Variants in RGCC observed in about 807,000 individuals in gnomAD.
RGCC encodes regulator of cell cycle RGCC.
RGCC carries 15 observed loss-of-function variants against 15.4 expected under a neutral mutation model. The ratio of observed to expected loss-of-function variants is 0.97; its 90% CI spans 0.65 to 1.50. The LOEUF (loss-of-function observed/expected upper bound fraction) is 1.50, where lower values mean the gene tolerates loss of function less well. Ranked by LOEUF, RGCC falls within the 40% of genes most tolerant of loss-of-function variation. The pLI, the probability that RGCC is intolerant of heterozygous loss-of-function variation, is 0.00. For synonymous variants in RGCC, 81 were observed against 78.0 expected, an observed-to-expected ratio of 1.04 and a Z score of -0.20; for missense variants, 176 against 189.7, an observed-to-expected ratio of 0.93 and a Z score of 0.42.
rs996445357 is a variant in RGCC at position 41,458,575 on chromosome 13, T to C, written c.235+105T>C. On this transcript the variant is annotated intron_variant, in intron 2 of 4. Transcript: ENST00000379359. This position sits in a 1 kb window ranked among gnomAD's most constrained non-coding sequence, Gnocchi z 4.4. Reference sequence around the variant, plus strand: ...TTCTTATCAGTAAACTGAGGAATGGTTTCCTGAAGCTCAACGCAGTAGGCC... The same window carrying C: ...TTCTTATCAGTAAACTGAGGAATGGCTTCCTGAAGCTCAACGCAGTAGGCC... 1.6e-6 allele frequency: 2 copies of C among 1,240,676 alleles called. No individual in the cohort carries two copies. The highest frequency in any genetic ancestry group is 3.0e-5 in the African/African-American group (2 of 65,748). The allele number at this position is 1,240,676 out of a possible 1,614,324, so 76.9% of individuals were successfully genotyped here. A position where few individuals can be genotyped will look rare whatever the true frequency, so the allele number is the denominator to read the frequency against.
Position 41,457,980 on chromosome 13 carries a change from T to TG in RGCC, c.49+230dup, listed in dbSNP as rs975152927. 9.9e-5 allele frequency among the ~76,000 whole-genome samples: 15 copies of TG among 151,440 alleles called. No individual in the cohort carries two copies. The highest frequency in any genetic ancestry group is 2.1e-4 in the Non-Finnish European group (14 of 67,754). ...CACCAGCTCCGCGCGCGCCCGGGGTTGGGGGGAGCGGCGGGGACAGGTAAC... is the reference window on the plus strand; with the variant it reads ...CACCAGCTCCGCGCGCGCCCGGGGTTGGGGGGGAGCGGCGGGGACAGGTAAC... On this transcript the variant is annotated intron_variant, in intron 1 of 4. Transcript: ENST00000379359. The surrounding 1 kb of genome is among the most constrained non-coding windows in gnomAD (Gnocchi z 4.9).
intron 2 of RGCC, among the ~76,000 whole-genome samples, chr13:41,460,232 A>T (rs1159729976): frequency 6.6e-6 from 1 of 152,236 alleles, no homozygotes; most frequent in Non-Finnish European, 1.5e-5. Flanking sequence ...TCACAAGGCT[A>T]GTCAGAAATA....
chr13:41,458,517 A>G lies in RGCC; in HGVS notation c.235+47A>G, dbSNP rs1414705080. 6.5e-7 allele frequency: 1 copy of G among 1,541,828 alleles called. No homozygotes were observed. Among genetic ancestry groups the G allele is most frequent in the South Asian group, 1.2e-5 (1 of 84,986 alleles). On this transcript the variant is annotated intron_variant, in intron 2 of 4. Coordinates refer to ENST00000379359, the MANE Select transcript of RGCC (RefSeq NM_014059.3). This position sits in a 1 kb window ranked among gnomAD's most constrained non-coding sequence, Gnocchi z 4.4. ...ATGGCGCCGGGATCTCCCAGCTCCC[A>G]GGACCTGCCCCGCGAAGGCTGCGGC... is the stretch of plus-strand genomic sequence containing the variant.
At chr13:41,468,737 A>ACTCT (rs150442518) in intron 3 of RGCC, 39 bp from the exon 4 acceptor site, 59 of 1,316,380 alleles carry the variant, frequency 4.5e-5, no homozygotes, top group Admixed American at 9.4e-5. Context: ...TGGAAACTGA[A>ACTCT]CTCTCTCTCT....
Position 41,457,847 on chromosome 13 carries a change from C to T in RGCC, c.49+91C>T. 7.5e-7 allele frequency: 1 copy of T among 1,341,788 alleles called. No individual in the cohort carries two copies. 83.1% of individuals were successfully genotyped at this position (1,341,788 alleles called of 1,614,324 possible). On this transcript the variant is annotated intron_variant, in intron 1 of 4. Transcript: ENST00000379359. The surrounding 1 kb of genome is among the most constrained non-coding windows in gnomAD (Gnocchi z 4.9). Reference sequence around the variant, plus strand: ...GCCCCGTGTCGTCCCTTCACACCCCCCACCCTTCCATCCTCCCCGGCGGGA... The same window carrying T: ...GCCCCGTGTCGTCCCTTCACACCCCTCACCCTTCCATCCTCCCCGGCGGGA...
At position 41,457,698 on chromosome 13, in the gene RGCC, G is replaced by A; in HGVS notation, c.-10G>A. Reference sequence around the variant, plus strand: ...AAGGCCACGCGCGCCGGGCCCAGCTGAGCCGCCTCATGAAGCCGCCCGCGG... The same window carrying A: ...AAGGCCACGCGCGCCGGGCCCAGCTAAGCCGCCTCATGAAGCCGCCCGCGG... On this transcript the variant is annotated 5_prime_UTR_variant, in exon 1 of 5. Transcript: ENST00000379359. This position sits in a 1 kb window ranked among gnomAD's most constrained non-coding sequence, Gnocchi z 4.9. 1.3e-6 allele frequency: 2 copies of A among 1,487,752 alleles called. No homozygotes were observed. Among genetic ancestry groups the A allele is most frequent in the Non-Finnish European group, 1.8e-6 (2 of 1,120,436 alleles). The allele number at this position is 1,487,752 out of a possible 1,614,324, so 92.2% of individuals were successfully genotyped here.
At chr13:41,465,665 G>T (rs774755909) in intron 2 of RGCC, among the ~76,000 whole-genome samples, 19 of 152,098 alleles carry the variant, frequency 1.2e-4, no homozygotes, top group Non-Finnish European at 2.8e-4. Flanking sequence ...AGTCTTTGGA[G>T]GTATGAGAAT....
Position 41,458,204 on chromosome 13 carries a change from G to T in RGCC, c.50-81G>T, listed in dbSNP as rs2043802257. On this transcript the variant is annotated intron_variant, in intron 1 of 4. Transcript: ENST00000379359. This position sits in a 1 kb window ranked among gnomAD's most constrained non-coding sequence, Gnocchi z 4.4. ...CAAGTGTCAGTTATCTTCGGGAACC[G>T]TGGCGGCCCCTCCTGGCCCTGGGAG... is the stretch of plus-strand genomic sequence containing the variant. 1.1e-5 allele frequency: 13 copies of T among 1,196,222 alleles called. No homozygotes were observed. The highest frequency in any genetic ancestry group is 1.4e-5 in the Non-Finnish European group (12 of 872,470). The allele number at this position is 1,196,222 out of a possible 1,614,324, so 74.1% of individuals were successfully genotyped here.
intron 2 of RGCC, among the ~76,000 whole-genome samples, chr13:41,460,012 G>A (rs1368731056): frequency 6.6e-6 from 1 of 152,210 alleles, no homozygotes; most frequent in South Asian, 2.1e-4. Flanking sequence ...GTTTTCAGAT[G>A]CCTTAAAGAG....
In RGCC at chr13:41,470,814, TAGC is replaced by T. The variant is rs2043872309; in HGVS notation, c.*332_*334del. On this transcript the variant is annotated 3_prime_UTR_variant, in exon 5 of 5. Transcript: ENST00000379359. ...GTAATTAATTATATATAGTTGGAAA[TAGC>T]AGTAAGCTTTCCCATTATAATATAT... The T allele has an allele frequency of 4.5e-6, 1 of 222,976 alleles. No homozygotes were observed. The highest frequency in any genetic ancestry group is 2.3e-5 in the African/African-American group (1 of 44,130). The allele number at this position is 222,976 out of a possible 1,614,324, so 13.8% of individuals were successfully genotyped here.
intron 2 of RGCC, among the ~76,000 whole-genome samples, chr13:41,459,055 A>G (rs1238765417): frequency 6.6e-6 from 1 of 152,116 alleles, no homozygotes; most frequent in Non-Finnish European, 1.5e-5. Flanking sequence ...CAGGTCCTCC[A>G]CCAGGCTGGA....
chr13:41,469,936 C>CG (rs1267331849), intron 4 of RGCC, among the ~76,000 whole-genome samples: 1 of 152,156 alleles, frequency 6.6e-6, no homozygotes, highest in African/African-American at 2.4e-5. Flanking sequence ...AACTCTACTA[C>CG]GGGGGGTCCT....
At chr13:41,465,253 C>T (rs1165054793) in intron 2 of RGCC, among the ~76,000 whole-genome samples, 7 of 152,236 alleles carry the variant, frequency 4.6e-5, no homozygotes, top group Non-Finnish European at 1.0e-4. Flanking sequence ...TGAAGAGCCA[C>T]TTCTCTGCTC....
At chr13:41,460,091 T>C (rs372568902) in intron 2 of RGCC, among the ~76,000 whole-genome samples, 1 of 152,176 alleles carries the variant, frequency 6.6e-6, no homozygotes. Flanking sequence ...TTTGCTTAGG[T>C]TATATGTGTC....
intron 2 of RGCC, among the ~76,000 whole-genome samples, chr13:41,463,750 C>T (rs1266711373): frequency 2.6e-5 from 4 of 152,230 alleles, no homozygotes; most frequent in African/African-American, 4.8e-5. Flanking sequence ...TCTGGATCTA[C>T]GGCTCATTCT....
chr13:41,466,182 CACACACACTCACACACACTCAT>C (rs2043847314), intron 2 of RGCC, among the ~76,000 whole-genome samples: 1 of 46,172 alleles, frequency 2.2e-5, no homozygotes, highest in Admixed American at 2.2e-4. Context: ...CACTTTCTCA[CACACACACTCACACACACTCAT>C]ACACTCACAC....
intron 2 of RGCC, among the ~76,000 whole-genome samples, chr13:41,462,894 A>G (rs918585461): frequency 6.6e-6 from 1 of 152,078 alleles, no homozygotes; most frequent in African/African-American, 2.4e-5. Flanking sequence ...CTATGTTGAG[A>G]GTTTGTTCTT....
intron 4 of RGCC, among the ~76,000 whole-genome samples, chr13:41,469,295 T>TAATAAGAAGAAGAAGAAGAAG (rs869157194): frequency 5.4e-4 from 47 of 86,736 alleles, no homozygotes; most frequent in African/African-American, 1.8e-3. Context: ...ATAATAATAA[T>TAATAAGAAGAAGAAGAAGAAG]AAGAAGAAGA....
chr13:41,458,508 C>T lies in RGCC; in HGVS notation c.235+38C>T. 2.6e-6 allele frequency: 4 copies of T among 1,562,502 alleles called. No individual in the cohort carries two copies. The highest frequency in any genetic ancestry group is 3.4e-6 in the Non-Finnish European group (4 of 1,159,552). ...CCCGCTAGGATGGCGCCGGGATCTC[C>T]CAGCTCCCAGGACCTGCCCCGCGAA... On this transcript the variant is annotated intron_variant, in intron 2 of 4. Coordinates refer to ENST00000379359, the MANE Select transcript of RGCC (RefSeq NM_014059.3). This position sits in a 1 kb window ranked among gnomAD's most constrained non-coding sequence, Gnocchi z 4.4.
Sources: allele counts gnomAD v4.1 joint callset (sites outside exome capture counted in the v4.1 genomes callset), GRCh38; gene constraint gnomAD v4.1.1; non-coding constraint Gnocchi (gnomAD v3.1); transcripts MANE v1.5; gene names NCBI Gene and HGNC (gene_info 2026-07-23, HGNC 2026-07-21).